Variants in TAF5 observed in about 807,000 individuals in gnomAD.
TAF5 encodes TATA-box binding protein associated factor 5, also known as transcription initiation factor TFIID subunit 5.
A neutral mutation model predicts 80.9 loss-of-function variants in TAF5; 20 were observed. The ratio of observed to expected loss-of-function variants is 0.25; its 90% confidence interval spans 0.17 to 0.36. The LOEUF (loss-of-function observed/expected upper bound fraction) is 0.36. Among genes scored for constraint, TAF5 ranks in the 10% least tolerant of loss-of-function variants. The pLI is 1.00. For missense variants in TAF5, 863 were observed against 1,029.4 expected (o/e 0.84, Z 2.21); for synonymous variants, 388 against 406.4 (o/e 0.95, Z 0.55).
Position 103,373,591 on chromosome 10 carries a change from G to C in TAF5, c.793G>C (p.Glu265Gln). 6.2e-7 allele frequency: 1 copy of C among 1,609,798 alleles called. No homozygotes were observed. The highest frequency in any genetic ancestry group is 8.5e-7 in the Non-Finnish European group (1 of 1,176,636). ...QHENEAKSFF[E>Q]KFHGDQECYY... ...TGAGAATGAAGCAAAGTCATTCTTT[G>C]AGAAGTATGTAAATTTTTACATATA... The change falls in exon 2 of 11, where the codon GAG becomes CAG. Residue 265 changes from glutamate to glutamine, a missense_variant. Transcript: ENST00000369839.
At chr10:103,368,789 G>A (rs938492199) in intron 1 of TAF5, among the ~76,000 whole-genome samples, 1 of 152,216 alleles carries the variant, frequency 6.6e-6, no homozygotes, top group African/African-American at 2.4e-5. Context: ...GGGAAGGTGA[G>A]CGCGGAGAGG....
chr10:103,387,476 A>ATTTTT, intron 9 of TAF5, 45 bp from the exon 10 acceptor site: 4 of 1,561,206 alleles, frequency 2.6e-6, no homozygotes, highest in Non-Finnish European at 3.5e-6. Context: ...ATTTTGTCTT[A>ATTTTT]TTTTCCTAGA....
chr10:103,385,194 A>G (rs1394856258), intron 7 of TAF5, 132 bp from the exon 8 acceptor site: 1 of 673,436 alleles, frequency 1.5e-6, no homozygotes, highest in African/African-American at 1.8e-5. Flanking sequence ...TAAAAGTGAG[A>G]TGCAGCATGT....
intron 7 of TAF5, 110 bp from the exon 8 acceptor site, chr10:103,385,216 A>C: frequency 1.2e-6 from 1 of 801,576 alleles, no homozygotes; most frequent in East Asian, 2.7e-5. Flanking sequence ...AGGTATATTT[A>C]ATATAGTCAA....
chr10:103,370,188 C>T (rs1156560062), intron 1 of TAF5, among the ~76,000 whole-genome samples: 5 of 151,150 alleles, frequency 3.3e-5, no homozygotes, highest in Non-Finnish European at 7.4e-5. Flanking sequence ...GCCAAGATTG[C>T]GCCACTGCAC....
chr10:103,371,558 G>C (rs981284101), intron 1 of TAF5, among the ~76,000 whole-genome samples: 3 of 152,210 alleles, frequency 2.0e-5, no homozygotes, highest in Non-Finnish European at 4.4e-5. Flanking sequence ...ATTGTTAGGT[G>C]GTGCTGTATT....
At chr10:103,379,110 A>G (rs1020654751) in intron 3 of TAF5, among the ~76,000 whole-genome samples, 6 of 152,190 alleles carry the variant, frequency 3.9e-5, no homozygotes, top group Non-Finnish European at 5.9e-5. Context: ...TTTCAGAGGA[A>G]GGCCTTCCAG....
At chr10:103,370,325 C>CTTT (rs758002426) in intron 1 of TAF5, among the ~76,000 whole-genome samples, 34 of 88,946 alleles carry the variant, frequency 3.8e-4, no homozygotes, top group Non-Finnish European at 4.4e-4. Context: ...GGTTATGAGG[C>CTTT]TTTTTTTTTT....
chr10:103,382,066 G>C (rs2093384259), intron 6 of TAF5, among the ~76,000 whole-genome samples: 1 of 152,096 alleles, frequency 6.6e-6, no homozygotes, highest in African/African-American at 2.4e-5. Context: ...GAATGAGTGA[G>C]TATTAAGCTA....
In TAF5 at chr10:103,383,277, A is replaced by G; in HGVS notation, c.1574A>G (p.Glu525Gly). 2 of 1,604,634 alleles carry G rather than the reference A, an allele frequency of 1.2e-6. No homozygotes were observed. Among genetic ancestry groups the G allele is most frequent in the Non-Finnish European group, 1.7e-6 (2 of 1,177,536 alleles). Reference protein sequence around the residue: ...LIDKESDDVLERIMDEKTASE... With the variant: ...LIDKESDDVLGRIMDEKTASE... ...GACAAAGAATCAGATGATGTCTTAG[A>G]AAGAATCATGGATGAGAAAACAGCA... is the stretch of plus-strand genomic sequence containing the variant. Residue 525 changes from glutamate (E) to glycine (G), a missense_variant, in exon 7 of 11, where the codon GAA becomes GGA. Glu to Gly is a moderately conservative substitution (Grantham distance 98, BLOSUM62 -2). Coordinates refer to ENST00000369839, the MANE Select transcript of TAF5 (RefSeq NM_006951.5).
rs2093387543 is a variant in TAF5 at position 103,383,286 on chromosome 10, T to C, written c.1583T>C (p.Met528Thr). 6.2e-7 allele frequency: 1 copy of C among 1,606,804 alleles called. No homozygotes were observed. The change falls in exon 7 of 11, where the codon ATG becomes ACG. Residue 528 changes from methionine to threonine, a missense_variant. By Grantham distance (81) the Met-to-Thr change is moderately conservative (BLOSUM62 -1). Coordinates refer to ENST00000369839, the MANE Select transcript of TAF5 (RefSeq NM_006951.5). Reference sequence around the variant, plus strand: ...TCAGATGATGTCTTAGAAAGAATCATGGATGAGAAAACAGCAAGTGAGTTG... The same window carrying C: ...TCAGATGATGTCTTAGAAAGAATCACGGATGAGAAAACAGCAAGTGAGTTG... ...KESDDVLERI[M>T]DEKTASELKI...
chr10:103,381,289 T>TG (rs1197875874), intron 5 of TAF5, among the ~76,000 whole-genome samples: 1 of 151,844 alleles, frequency 6.6e-6, no homozygotes, highest in East Asian at 1.9e-4. Flanking sequence ...TTTTTTGAGA[T>TG]GGAGTCTCAC....
intron 7 of TAF5, among the ~76,000 whole-genome samples, chr10:103,383,982 T>C (rs1468757443): frequency 6.6e-6 from 1 of 152,156 alleles, no homozygotes; most frequent in Admixed American, 6.6e-5. Context: ...TTTTTATTTG[T>C]TACCCAATGG....
At chr10:103,373,645 G>T (rs767723688) in intron 2 of TAF5, 50 bp downstream of exon 2, 9 of 1,354,658 alleles carry the variant, frequency 6.6e-6, no homozygotes, top group African/African-American at 1.5e-5. Flanking sequence ...TAGTGTGTGT[G>T]TGTGCGTGCA....
At chr10:103,369,628 G>C (rs1201584723) in intron 1 of TAF5, among the ~76,000 whole-genome samples, 1 of 152,040 alleles carries the variant, frequency 6.6e-6, no homozygotes, top group Non-Finnish European at 1.5e-5. Context: ...GTCCCAAAGT[G>C]CTGGGATTAC....
intron 2 of TAF5, among the ~76,000 whole-genome samples, chr10:103,376,358 T>TG (rs2093370037): frequency 6.6e-6 from 1 of 152,040 alleles, no homozygotes; most frequent in Non-Finnish European, 1.5e-5. Flanking sequence ...TCCAAAGTGC[T>TG]GGGATTACAG....
intron 6 of TAF5, among the ~76,000 whole-genome samples, chr10:103,382,743 G>A (rs2093385859): frequency 6.6e-6 from 1 of 151,560 alleles, no homozygotes; most frequent in Admixed American, 6.6e-5. Flanking sequence ...TAATCCCTGG[G>A]CTGAAGTGAT....
Position 103,388,668 on chromosome 10 carries a change from T to C in TAF5, c.*445T>C, listed in dbSNP as rs1328793944. On this transcript the variant is annotated 3_prime_UTR_variant, in exon 11 of 11. Transcript: ENST00000369839. ...GTTACTGTATGGCACTCAAAAACTA[T>C]GTTAAATGATCCACTAACTTTTTTT... 1 of 155,298 alleles carries C rather than the reference T, an allele frequency of 6.4e-6. No homozygotes were observed. The highest frequency in any genetic ancestry group is 1.4e-5 in the Non-Finnish European group (1 of 70,126). The allele number at this position is 155,298 out of a possible 1,614,324, so 9.6% of individuals were successfully genotyped here. A position where few individuals can be genotyped will look rare whatever the true frequency, so the allele number is the denominator to read the frequency against.
At chr10:103,375,470 C>T (rs986590201) in intron 2 of TAF5, among the ~76,000 whole-genome samples, 6 of 152,122 alleles carry the variant, frequency 3.9e-5, no homozygotes, top group Non-Finnish European at 5.9e-5. Context: ...ATTTGTCAGC[C>T]TTGGAATAAT....
Sources: allele counts gnomAD v4.1 joint callset (sites outside exome capture counted in the v4.1 genomes callset), GRCh38; gene constraint gnomAD v4.1.1; transcripts MANE v1.5; gene names NCBI Gene and HGNC (gene_info 2026-07-23, HGNC 2026-07-21).